CES4A: variants seen among roughly 807,000 people sequenced by gnomAD.
CES4A encodes carboxylesterase 4A, also known as carboxylesterase 6.
CES4A carries 48 observed loss-of-function variants against 65.4 expected under a neutral mutation model. That is an observed-to-expected ratio of 0.73 (90% CI 0.58 to 0.93). The LOEUF (loss-of-function observed/expected upper bound fraction) is 0.93. Among genes scored for constraint, CES4A ranks in the 40% least tolerant of loss-of-function variants. The pLI is 0.00. For synonymous variants in CES4A, 247 were observed against 281.8 expected, an observed-to-expected ratio of 0.88 and a Z score of 1.24; for missense variants, 685 against 728.5, an observed-to-expected ratio of 0.94 and a Z score of 0.69.
intron 1 of CES4A, 128 bp from the exon 2 acceptor site, chr16:66,995,500 G>C (rs943064685): frequency 1.5e-5 from 11 of 758,276 alleles, no homozygotes; most frequent in Non-Finnish European, 2.0e-5. Flanking sequence ...GAGTGGCTGC[G>C]CAGGGGTGAC....
rs1476356674 is a variant in CES4A at position 67,001,779 on chromosome 16, A to G, written c.690+318A>G. 2.0e-5 allele frequency among the ~76,000 whole-genome samples: 3 copies of G among 152,240 alleles called. No individual in the cohort carries two copies. Among genetic ancestry groups the G allele is most frequent in the Non-Finnish European group, 4.4e-5 (3 of 68,034 alleles). On this transcript the variant is annotated intron_variant, in intron 5 of 13. Coordinates refer to ENST00000648724, the Ensembl canonical transcript of CES4A. This position sits in a 1 kb window ranked among gnomAD's most constrained non-coding sequence, Gnocchi z 4.1. ...CTCTATCCCCTGAACAGAGCCCACC[A>G]TCTGCCCCCTGGGCAAGGCTAGGAC...
Position 67,003,118 on chromosome 16 carries a change from A to G in CES4A, c.739A>G (p.Ser247Gly). 1 of 1,614,116 alleles carries G rather than the reference A, an allele frequency of 6.2e-7. No individual in the cohort carries two copies. The change falls in exon 6 of 14, where the codon AGT (serine) becomes GGT (glycine). Residue 247 changes from serine (S) to glycine (G), a missense_variant. Transcript: ENST00000648724. This position sits in a 1 kb window ranked among gnomAD's most constrained non-coding sequence, Gnocchi z 4.2. The stretch of plus-strand genomic sequence containing the variant: ...TCTCTTCCATCGGGCCATTTCCCAG[A>G]GTGGCACCGCGTTATTCAGACTTTT...
At position 67,006,453 on chromosome 16, in the gene CES4A, C is replaced by T. The variant is rs1032838558; in HGVS notation, c.1378C>T (p.Pro460Ser). ...CCACGCTCGTGGAATAATCGTCAAA[C>T]CCCGCACTGATGGGGCAGACCATGG... is the stretch of plus-strand genomic sequence containing the variant. The change falls in exon 12 of 14, where the codon CCC becomes TCC. Residue 460 changes from proline to serine, a missense_variant. Coordinates refer to ENST00000648724, the Ensembl canonical transcript of CES4A. The T allele has an allele frequency of 1.0e-5, 16 of 1,536,512 alleles. No individual in the cohort carries two copies. The Admixed American group carries it at 1.4e-4, about 13-fold the overall frequency.
At chr16:66,994,526 A>G (rs940726796) in intron 1 of CES4A, among the ~76,000 whole-genome samples, 3 of 149,794 alleles carry the variant, frequency 2.0e-5, no homozygotes, top group African/African-American at 7.3e-5. Context: ...GAACTTTTAT[A>G]TGCTTACTGA....
chr16:66,997,737 G>A (rs1172186824), intron 2 of CES4A, among the ~76,000 whole-genome samples: 3 of 152,082 alleles, frequency 2.0e-5, no homozygotes, highest in South Asian at 2.1e-4. Context: ...TTGGGAGGCC[G>A]AGGCAGGAAA....
At chr16:66,997,602 C>T (rs1646490667) in intron 2 of CES4A, among the ~76,000 whole-genome samples, 1 of 152,058 alleles carries the variant, frequency 6.6e-6, no homozygotes, top group Non-Finnish European at 1.5e-5. Flanking sequence ...TTTTTGGCCA[C>T]AGTAGACAAG....
At chr16:66,993,242 G>A (rs1964535815) in intron 1 of CES4A, among the ~76,000 whole-genome samples, 1 of 152,188 alleles carries the variant, frequency 6.6e-6, no homozygotes, top group Non-Finnish European at 1.5e-5. Context: ...GTATGCTGTA[G>A]ATAGATTTGT....
At chr16:66,995,050 A>G (rs374389530) in intron 1 of CES4A, among the ~76,000 whole-genome samples, 17 of 146,880 alleles carry the variant, frequency 1.2e-4, no homozygotes, top group South Asian at 4.3e-4. Context: ...GGTGGCTCAC[A>G]CCTGTAATCC....
chr16:66,997,854 T>G (rs1427294544), intron 2 of CES4A, among the ~76,000 whole-genome samples: 2 of 151,670 alleles, frequency 1.3e-5, no homozygotes, highest in African/African-American at 4.8e-5. Flanking sequence ...TCCTAGCTAC[T>G]TGGGAGGCTG....
rs919618366 is a variant in CES4A, at chr16:67,005,212, C to T, written c.1162-28C>T. ...CCTCTGGCCCAGCTGGCACCCAGGC[C>T]TCAGGTAAGTGTGGCCTCCTCACTC... On this transcript the variant is annotated intron_variant, in intron 10 of 13. Coordinates refer to ENST00000648724, the Ensembl canonical transcript of CES4A. The T allele has an allele frequency of 7.4e-6, 12 of 1,613,512 alleles. No individual in the cohort carries two copies. In the Middle Eastern group the frequency reaches 1.7e-3, roughly 224 times the overall value.
chr16:66,997,695 G>A (rs539718754), intron 2 of CES4A, among the ~76,000 whole-genome samples: 15 of 152,170 alleles, frequency 9.9e-5, no homozygotes, highest in Non-Finnish European at 2.2e-4. Context: ...TTTGAGCCAG[G>A]AGCAGTGGCT....
At position 67,001,455 on chromosome 16, in the gene CES4A, A is replaced by G. The variant is rs1365223481; in HGVS notation, c.684A>G (p.Ser228=). 6.2e-7 allele frequency: 1 copy of G among 1,604,006 alleles called. No homozygotes were observed. Among genetic ancestry groups the G allele is most frequent in the South Asian group, 1.1e-5 (1 of 89,486 alleles). The change falls in exon 5 of 14, where the codon TCA becomes TCG. Residue 228 remains serine (S), a synonymous_variant. Coordinates refer to ENST00000648724, the Ensembl canonical transcript of CES4A. This position sits in a 1 kb window ranked among gnomAD's most constrained non-coding sequence, Gnocchi z 4.1. ...AGTCGGCGGGGGCCATGAGCATCTC[A>G]GGACTGGTGAGAGCAATGCCCAGAC...
At position 66,995,492 on chromosome 16, in the gene CES4A, G is replaced by A. The variant is rs549371479; in HGVS notation, c.59-136G>A. 12 of 708,942 alleles carry A rather than the reference G, an allele frequency of 1.7e-5. No homozygotes were observed. The South Asian group carries it at 1.9e-4, about 11-fold the overall frequency. The allele number at this position is 708,942 out of a possible 1,614,324, so 43.9% of individuals were successfully genotyped here. On this transcript the variant is annotated intron_variant, in intron 1 of 13. Transcript: ENST00000648724. ...GGGCCAGGGTCCCATTTGTGGCTGA[G>A]TGGCTGCGCAGGGGTGACCCTTTTC...
intron 1 of CES4A, 95 bp downstream of exon 1, chr16:66,988,925 G>T: frequency 1.4e-6 from 2 of 1,404,372 alleles, no homozygotes; most frequent in Non-Finnish European, 1.9e-6. Flanking sequence ...GGACAGCAGG[G>T]CAGGAGCACT....
chr16:66,994,552 T>A (rs1282520677), intron 1 of CES4A, among the ~76,000 whole-genome samples: 2 of 151,072 alleles, frequency 1.3e-5, no homozygotes, highest in African/African-American at 4.9e-5. Flanking sequence ...ATTTGAAATG[T>A]TAAATGAGGT....
chr16:67,002,824 C>T (rs1965460368), intron 5 of CES4A, among the ~76,000 whole-genome samples: 1 of 152,092 alleles, frequency 6.6e-6, no homozygotes, highest in African/African-American at 2.4e-5. Context: ...TTTTCCACAC[C>T]AGCAGATTCC....
At chr16:66,989,158 T>C (rs1228505597) in intron 1 of CES4A, among the ~76,000 whole-genome samples, 4 of 152,142 alleles carry the variant, frequency 2.6e-5, no homozygotes, top group Non-Finnish European at 5.9e-5. Context: ...GCAGGAGGCC[T>C]GTCTCTGCCC....
intron 2 of CES4A, among the ~76,000 whole-genome samples, chr16:66,997,464 G>C (rs754166425): frequency 3.9e-5 from 6 of 152,168 alleles, no homozygotes; most frequent in Non-Finnish European, 7.3e-5. Flanking sequence ...TTCTGCCTGG[G>C]TAGTTACGGG....
Position 67,006,371 on chromosome 16 carries a change from C to G in CES4A, c.1316-20C>G. The G allele has an allele frequency of 6.5e-7, 1 of 1,536,484 alleles. No individual in the cohort carries two copies. On this transcript the variant is annotated intron_variant, in intron 11 of 13. Coordinates refer to ENST00000648724, the Ensembl canonical transcript of CES4A. ...GGCAGAGGCTTTTCCTGCATCCCTC[C>G]TCAGTTTCCCTATTCACAGATGCCG...
Sources: gnomAD v4.1 joint callset for allele counts (sites outside exome capture counted in the v4.1 genomes callset) on GRCh38, gnomAD v4.1.1 for gene constraint, Gnocchi (gnomAD v3.1) non-coding constraint, MANE v1.5 for transcripts, NCBI Gene and HGNC (gene_info 2026-07-23, HGNC 2026-07-21) for gene names.